Variants in ITPR2 observed in about 807,000 individuals in gnomAD.
ITPR2 encodes the protein inositol 1,4,5-trisphosphate receptor type 2.
A neutral mutation model predicts 317.1 loss-of-function variants in ITPR2; 207 were observed. That is an observed-to-expected ratio of 0.65 (90% confidence interval 0.58 to 0.73). The LOEUF (loss-of-function observed/expected upper bound fraction) is 0.73, where lower values mean the gene tolerates loss of function less well. ITPR2 is among the 30% of genes least tolerant of loss of function. ITPR2 has a pLI of 0.00. For missense variants in ITPR2, 2,613 were observed against 3,284.0 expected (o/e 0.80, Z 4.99); for synonymous variants, 1,156 against 1,149.1 (o/e 1.01, Z -0.12).
intron 5 of ITPR2, among the ~76,000 whole-genome samples, chr12:26,716,456 T>C (rs1440679721): frequency 2.6e-5 from 4 of 152,202 alleles, no homozygotes. Flanking sequence ...CCTATCAGTC[T>C]GGATTCATAA....
rs116659369 is a variant in ITPR2 at position 26,617,947 on chromosome 12, C to A, written c.3462+3176G>T. Among the ~76,000 whole-genome samples the A allele has an allele frequency of 4.7e-3, 713 of 151,904 alleles. 2 individuals are homozygous for A. Among genetic ancestry groups the A allele is most frequent in the African/African-American group, 0.017 (686 of 41,400 alleles). Reference sequence around the variant, plus strand: ...TTAAATCTAGAATGCAAAGTTACTACGGTAGAAGCTCTATTTAAGATTTAT... The same window carrying A: ...TTAAATCTAGAATGCAAAGTTACTAAGGTAGAAGCTCTATTTAAGATTTAT... On this transcript the variant is annotated intron_variant, in intron 26 of 56. Transcript: ENST00000381340.
intron 5 of ITPR2, among the ~76,000 whole-genome samples, chr12:26,718,753 G>A (rs541539278): frequency 7.2e-5 from 11 of 151,974 alleles, no homozygotes; most frequent in Non-Finnish European, 1.5e-4. Flanking sequence ...GGGATCACAC[G>A]TGTGTGCACC....
At chr12:26,509,195 T>C (rs748376239) in intron 37 of ITPR2, among the ~76,000 whole-genome samples, 2 of 152,134 alleles carry the variant, frequency 1.3e-5, no homozygotes, top group South Asian at 2.1e-4. Flanking sequence ...GGCAAATTCA[T>C]AGAGACAAAA....
At chr12:26,385,785 G>A (rs138076687) in intron 55 of ITPR2, among the ~76,000 whole-genome samples, 330 of 151,852 alleles carry the variant, frequency 2.2e-3, no homozygotes, top group African/African-American at 7.7e-3. Flanking sequence ...CTCCTCTCTC[G>A]GGCATATTGC....
intron 47 of ITPR2, among the ~76,000 whole-genome samples, chr12:26,437,170 C>T (rs1040132261): frequency 5.3e-5 from 8 of 152,178 alleles, no homozygotes; most frequent in African/African-American, 1.9e-4. Context: ...ATCTACTAGC[C>T]TGCCCTGGGC....
At chr12:26,518,929 T>C (rs1366089225) in intron 37 of ITPR2, among the ~76,000 whole-genome samples, 1 of 152,098 alleles carries the variant, frequency 6.6e-6, no homozygotes, top group Non-Finnish European at 1.5e-5. Flanking sequence ...TAAACTTTTT[T>C]GAAAGACTGC....
In ITPR2 at chr12:26,506,381, C is replaced by T. The variant is rs75547749; in HGVS notation, c.5074-11121G>A. Among the ~76,000 whole-genome samples the T allele has an allele frequency of 9.6e-3, 1,451 of 151,560 alleles. 24 individuals are homozygous for T. Among genetic ancestry groups the T allele is most frequent in the African/African-American group, 0.034 (1,394 of 41,326 alleles). ...AAAATAATCTGGGTGTGGTGACATA[C>T]GCCTGTGGTCCCAACTACTAGGAGG... On this transcript the variant is annotated intron_variant, in intron 37 of 56. Coordinates refer to ENST00000381340, the MANE Select transcript of ITPR2 (RefSeq NM_002223.4).
chr12:26,713,519 A>G (rs1346981810), intron 8 of ITPR2, among the ~76,000 whole-genome samples: 3 of 152,228 alleles, frequency 2.0e-5, no homozygotes, highest in Non-Finnish European at 4.4e-5. Context: ...AAATTATTAA[A>G]CAATTTATTC....
At chr12:26,540,621 G>A (rs931576379) in intron 37 of ITPR2, among the ~76,000 whole-genome samples, 3 of 152,130 alleles carry the variant, frequency 2.0e-5, no homozygotes, top group Middle Eastern at 3.2e-3. Context: ...CTAAAGAGTG[G>A]TAGCATATCT....
intron 5 of ITPR2, chr12:26,721,205 G>GA (rs1948833217): frequency 7.4e-6 from 3 of 404,108 alleles, no homozygotes; most frequent in South Asian, 5.8e-5. Flanking sequence ...AAAAAGTAGG[G>GA]TTTTTTTTTT....
chr12:26,443,180 T>C (rs76965542), intron 46 of ITPR2, among the ~76,000 whole-genome samples: 1 of 152,198 alleles, frequency 6.6e-6, no homozygotes, highest in African/African-American at 2.4e-5. Context: ...AGATCTCTAT[T>C]TTAATAAGCT....
intron 21 of ITPR2, chr12:26,648,683 G>GA (rs796068398): frequency 1.3e-5 from 2 of 151,860 alleles, no homozygotes; most frequent in African/African-American, 4.8e-5. Context: ...ACAGAGTATT[G>GA]TAATGTGGTA....
intron 1 of ITPR2, among the ~76,000 whole-genome samples, chr12:26,812,225 T>C (rs1363589402): frequency 1.3e-5 from 2 of 151,370 alleles, no homozygotes; most frequent in East Asian, 3.9e-4. Context: ...ATGTGTCATA[T>C]GATTCAATTC....
rs371012790 is a variant in ITPR2, at chr12:26,377,778, T to C, written c.7857+9656A>G. Among the ~76,000 whole-genome samples the C allele has an allele frequency of 2.8e-4, 43 of 152,336 alleles. 1 individual carries two copies. In the South Asian group the frequency reaches 8.3e-3, roughly 29 times the overall value. On this transcript the variant is annotated intron_variant, in intron 55 of 56. Transcript: ENST00000381340. ...ACATTTTTCTGAGCCTCAATTCACA[T>C]AAAATGGGTATAAATAAGATAACAC...
chr12:26,386,004 C>T (rs1183839917), intron 55 of ITPR2, among the ~76,000 whole-genome samples: 1 of 152,116 alleles, frequency 6.6e-6, no homozygotes, highest in Non-Finnish European at 1.5e-5. Flanking sequence ...TATACCCAAA[C>T]ATCTATTCAT....
chr12:26,784,871 G>C (rs1383544657), intron 2 of ITPR2, among the ~76,000 whole-genome samples: 1 of 128,542 alleles, frequency 7.8e-6, no homozygotes, highest in African/African-American at 2.7e-5. Context: ...GTCTCTGCCC[G>C]GCCGCCATCC....
In ITPR2 at chr12:26,486,302, A is replaced by T; in HGVS notation, c.5613T>A (p.Ser1871=). ...EGMKGQLTEA[S]SATSKAYCVY... ...CACAATATGCTTTGGATGTTGCTGA[A>T]GAAGCTTCTGTTAATTGCCCTTTCA... The change falls in exon 41 of 57, where the codon TCT becomes TCA. Residue 1871 remains serine (S), a synonymous_variant. Coordinates refer to ENST00000381340, the MANE Select transcript of ITPR2 (RefSeq NM_002223.4). 1 of 1,613,476 alleles carries T rather than the reference A, an allele frequency of 6.2e-7. No individual in the cohort carries two copies. The highest frequency in any genetic ancestry group is 8.5e-7 in the Non-Finnish European group (1 of 1,179,402).
intron 21 of ITPR2, among the ~76,000 whole-genome samples, chr12:26,653,366 C>CA (rs1947300205): frequency 6.6e-6 from 1 of 151,748 alleles, no homozygotes; most frequent in Non-Finnish European, 1.5e-5. Context: ...CTCAGCCTCC[C>CA]GAGTAGCTGG....
chr12:26,724,286 G>A (rs1219117384), intron 4 of ITPR2, among the ~76,000 whole-genome samples: 3 of 152,152 alleles, frequency 2.0e-5, no homozygotes, highest in Non-Finnish European at 4.4e-5. Context: ...AACTGAAAGT[G>A]AAAACTTTTC....
Sources: allele counts gnomAD v4.1 joint callset (sites outside exome capture counted in the v4.1 genomes callset), GRCh38; gene constraint gnomAD v4.1.1; transcripts MANE v1.5; gene names NCBI Gene and HGNC (gene_info 2026-07-23, HGNC 2026-07-21).